PPP1R1C: variants seen among roughly 807,000 people sequenced by gnomAD.
PPP1R1C encodes the protein protein phosphatase 1 regulatory subunit 1C.
A neutral mutation model predicts 17.4 loss-of-function variants in PPP1R1C; 15 were observed. The ratio of observed to expected loss-of-function variants is 0.86; its 90% confidence interval spans 0.58 to 1.33. The LOEUF (loss-of-function observed/expected upper bound fraction) is 1.33, where lower values mean the gene tolerates loss of function less well. Among genes scored for constraint, PPP1R1C ranks in the 40% most tolerant of loss-of-function variants. PPP1R1C has a pLI of 0.00. For missense variants in PPP1R1C, 143 were observed against 130.0 expected, an observed-to-expected ratio of 1.10 and a Z score of -0.48; for synonymous variants, 35 against 43.1, an observed-to-expected ratio of 0.81 and a Z score of 0.73.
At chr2:181,959,403 A>ATTG (rs1213804826) in intron 1 of PPP1R1C, among the ~76,000 whole-genome samples, 1 of 152,160 alleles carries the variant, frequency 6.6e-6, no homozygotes, top group African/African-American at 2.4e-5. Context: ...TGTCTCTCAT[A>ATTG]TTGTGTATTG....
At chr2:181,970,060 C>A (rs1457813168) in intron 1 of PPP1R1C, among the ~76,000 whole-genome samples, 2 of 151,722 alleles carry the variant, frequency 1.3e-5, no homozygotes, top group Non-Finnish European at 2.9e-5. Context: ...ATTTTGAATT[C>A]TCTGTCTTGA....
intron 4 of PPP1R1C, among the ~76,000 whole-genome samples, chr2:182,085,684 C>T (rs1044038809): frequency 6.6e-6 from 1 of 152,152 alleles, no homozygotes; most frequent in Admixed American, 6.5e-5. Context: ...CAACTGTCTG[C>T]TCTGGCTATA....
intron 3 of PPP1R1C, among the ~76,000 whole-genome samples, chr2:182,063,266 A>G (rs1207441558): frequency 6.6e-6 from 1 of 151,998 alleles, no homozygotes; most frequent in Non-Finnish European, 1.5e-5. Flanking sequence ...ATGTCAATTC[A>G]AGAGGGTTAA....
intron 2 of PPP1R1C, among the ~76,000 whole-genome samples, chr2:182,047,689 G>T (rs972548688): frequency 2.6e-5 from 4 of 152,160 alleles, no homozygotes; most frequent in Non-Finnish European, 2.9e-5. Context: ...TAAAATGGTT[G>T]TGTGGTAGGA....
intron 1 of PPP1R1C, among the ~76,000 whole-genome samples, chr2:181,956,716 T>C (rs1684676385): frequency 6.6e-6 from 1 of 152,252 alleles, no homozygotes; most frequent in African/African-American, 2.4e-5. Flanking sequence ...TCTGTTCATA[T>C]CCTTCATGTT....
At chr2:182,014,058 C>T (rs1306815395) in intron 2 of PPP1R1C, among the ~76,000 whole-genome samples, 4 of 152,208 alleles carry the variant, frequency 2.6e-5, no homozygotes, top group South Asian at 2.1e-4. Context: ...AGTTAGTTGT[C>T]GAGGTCATGT....
chr2:181,961,725 G>T lies in PPP1R1C; in HGVS notation n.111+7091G>T, dbSNP rs918826965. 1.2e-6 allele frequency: 1 copy of T among 856,412 alleles called. No individual in the cohort carries two copies. Among genetic ancestry groups the T allele is most frequent in the Non-Finnish European group, 2.0e-6 (1 of 504,816 alleles). The allele number at this position is 856,412 out of a possible 1,614,324, so 53.1% of individuals were successfully genotyped here. On this transcript the variant is annotated intron_variant and non_coding_transcript_variant, in intron 1 of 5. Transcript: ENST00000464264. The surrounding 1 kb of genome is among the most constrained non-coding windows in gnomAD (Gnocchi z 5.8). ...GAGTCAGCTCATCATATTGGGCCCG[G>T]ATATCTGCTATGATCTTGGCAAGGT...
intron 4 of PPP1R1C, 68 bp downstream of exon 4, chr2:182,063,859 T>C: frequency 9.1e-7 from 1 of 1,102,216 alleles, no homozygotes; most frequent in East Asian, 2.3e-5. Context: ...GTCTGTTCTC[T>C]AGGACCACAT....
Position 181,957,624 on chromosome 2 carries a change from T to C in PPP1R1C, n.111+2990T>C, listed in dbSNP as rs1002334460. On this transcript the variant is annotated intron_variant and non_coding_transcript_variant, in intron 1 of 5. Transcript: ENST00000464264. This position sits in a 1 kb window ranked among gnomAD's most constrained non-coding sequence, Gnocchi z 4.2. ...GGTGTCTTCTTCTCAAAACTGTTTC[T>C]GTTTTGAGTATTCTTTATTTTCTTC... Among the ~76,000 whole-genome samples the C allele has an allele frequency of 6.6e-6, 1 of 152,226 alleles. No individual in the cohort carries two copies. The highest frequency in any genetic ancestry group is 2.4e-5 in the African/African-American group (1 of 41,456).
At chr2:182,011,920 A>T (rs1184832148) in intron 2 of PPP1R1C, among the ~76,000 whole-genome samples, 1 of 151,996 alleles carries the variant, frequency 6.6e-6, no homozygotes, top group Non-Finnish European at 1.5e-5. Flanking sequence ...GTGTGTGTAT[A>T]GTTTCCAAAG....
rs6710125 is a variant in PPP1R1C, at chr2:182,085,240, A to G, written c.241+21449A>G. Among the ~76,000 whole-genome samples the G allele has an allele frequency of 7.8e-3, 1,191 of 152,166 alleles. 21 individuals carry two copies. The highest frequency in any genetic ancestry group is 0.027 in the African/African-American group (1,118 of 41,534). On this transcript the variant is annotated intron_variant, in intron 4 of 4. Coordinates refer to ENST00000682840, the MANE Select transcript of PPP1R1C (RefSeq NM_001080545.3). ...TTTGACTTCCTGTTTTCCAATTTGA[A>G]TGCCCTTTATTTCTTTCCCTTATCT...
At chr2:181,988,606 T>C (rs1685369176) in intron 2 of PPP1R1C, among the ~76,000 whole-genome samples, 1 of 152,192 alleles carries the variant, frequency 6.6e-6, no homozygotes. Context: ...ATAGGAAAGG[T>C]CATGACATTA....
intron 5 of PPP1R1C, among the ~76,000 whole-genome samples, chr2:182,125,111 G>C (rs1206514983): frequency 6.6e-5 from 10 of 152,108 alleles, no homozygotes. Context: ...GCATGAAGGA[G>C]TGTTGAATTT....
At chr2:181,983,207 A>G (rs527890239), upstream of PPP1R1C, among the ~76,000 whole-genome samples, 1 of 152,208 alleles carries the variant, frequency 6.6e-6, no homozygotes, top group Non-Finnish European at 1.5e-5. Flanking sequence ...TATAGTGGCC[A>G]TCATGATGCT....
intron 1 of PPP1R1C, among the ~76,000 whole-genome samples, chr2:181,964,270 A>T (rs1684864528): frequency 6.6e-6 from 1 of 152,192 alleles, no homozygotes; most frequent in Non-Finnish European, 1.5e-5. Flanking sequence ...TTCCAGTTCC[A>T]TCCATGCTGT....
chr2:181,982,422 T>C (rs566366995), upstream of PPP1R1C, among the ~76,000 whole-genome samples: 36 of 152,332 alleles, frequency 2.4e-4, 1 homozygote, highest in South Asian at 7.5e-3. Flanking sequence ...TGGACTTATT[T>C]AGTAACTACT....
intron 5 of PPP1R1C, among the ~76,000 whole-genome samples, chr2:182,124,304 GT>G (rs1177517439): frequency 1.3e-5 from 1 of 77,648 alleles, no homozygotes. Flanking sequence ...CTCCAGCTTT[GT>G]TTTTTTTTGT....
chr2:182,117,972 T>A (rs1689637378), downstream of PPP1R1C: 2 of 152,172 alleles, frequency 1.3e-5, no homozygotes, highest in Admixed American at 1.3e-4. Flanking sequence ...TTTCTCTAGT[T>A]ATTAAGAAAG....
intron 4 of PPP1R1C, among the ~76,000 whole-genome samples, chr2:182,068,276 G>T (rs560483987): frequency 6.6e-6 from 1 of 152,236 alleles, no homozygotes; most frequent in African/African-American, 2.4e-5. Context: ...AAAATGCTTA[G>T]ATCAGGCACA....
Sources: gnomAD v4.1 joint callset for allele counts (sites outside exome capture counted in the v4.1 genomes callset) on GRCh38, gnomAD v4.1.1 for gene constraint, Gnocchi (gnomAD v3.1) non-coding constraint, MANE v1.5 for transcripts, NCBI Gene and HGNC (gene_info 2026-07-23, HGNC 2026-07-21) for gene names.